Variants in LOC400499 observed in about 807,000 individuals in gnomAD.
At chr16:11,385,312 G>T in the LOC400499 span, 1 of 1,232,286 alleles carries the variant, frequency 8.1e-7, no homozygotes, top group East Asian at 3.2e-5. Flanking sequence ...AATGTGTTGT[G>T]AGCAAAGTCC....
At chr16:11,496,790 CTGTG>C in the LOC400499 span, among the ~76,000 whole-genome samples, 2 of 152,084 alleles carry the variant, frequency 1.3e-5, no homozygotes, top group African/African-American at 2.4e-5. Context: ...GAGTGTCCTA[CTGTG>C]TGTATGTGCA....
At chr16:11,523,347 C>T in the LOC400499 span, 121 of 398,580 alleles carry the variant, frequency 3.0e-4, no homozygotes, top group African/African-American at 2.1e-3. Flanking sequence ...GCTTCACTCC[C>T]ATTGGGCCCT....
the LOC400499 span, chr16:11,450,737 C>T: frequency 1.3e-6 from 2 of 1,536,164 alleles, no homozygotes; most frequent in Admixed American, 3.9e-5. Context: ...AGCTCCAGGA[C>T]AGCCTGGAAC....
chr16:11,416,997 A>G, the LOC400499 span, among the ~76,000 whole-genome samples: 1 of 152,162 alleles, frequency 6.6e-6, no homozygotes, highest in South Asian at 2.1e-4. Context: ...GTGTGCACAC[A>G]GCTTGCCTGG....
the LOC400499 span, among the ~76,000 whole-genome samples, chr16:11,466,586 G>C: frequency 6.6e-6 from 1 of 151,860 alleles, no homozygotes; most frequent in African/African-American, 2.4e-5. Context: ...ACGGGGTTTT[G>C]CCATGTTGTT....
At chr16:11,474,575 TA>T in the LOC400499 span, among the ~76,000 whole-genome samples, 1 of 151,810 alleles carries the variant, frequency 6.6e-6, no homozygotes, top group East Asian at 1.9e-4. Context: ...TAAAGGAAAA[TA>T]AAGCCGGGTG....
At chr16:11,459,169 GA>G in the LOC400499 span, among the ~76,000 whole-genome samples, 1 of 148,776 alleles carries the variant, frequency 6.7e-6, no homozygotes, top group African/African-American at 2.5e-5. Flanking sequence ...TGTGAAAAGG[GA>G]AAAAATATCC....
chr16:11,513,533 C>T, the LOC400499 span, among the ~76,000 whole-genome samples: 4 of 151,972 alleles, frequency 2.6e-5, no homozygotes, highest in East Asian at 1.9e-4. Flanking sequence ...CGGGTTCAAA[C>T]GATTCTCCGG....
At chr16:11,409,612 G>A in the LOC400499 span, among the ~76,000 whole-genome samples, 4 of 152,104 alleles carry the variant, frequency 2.6e-5, no homozygotes, top group Non-Finnish European at 4.4e-5. Context: ...CCTGCATCCC[G>A]GATTTAAAAC....
At chr16:11,455,251 G>C in the LOC400499 span, among the ~76,000 whole-genome samples, 1 of 152,120 alleles carries the variant, frequency 6.6e-6, no homozygotes, top group Non-Finnish European at 1.5e-5. Flanking sequence ...GAAAATGGAA[G>C]AGAATATGTA....
the LOC400499 span, among the ~76,000 whole-genome samples, chr16:11,469,997 G>C: frequency 6.6e-6 from 1 of 152,150 alleles, no homozygotes; most frequent in African/African-American, 2.4e-5. Context: ...CTGCCTCCCA[G>C]GTTCAAGTGA....
chr16:11,484,362 C>T, the LOC400499 span, among the ~76,000 whole-genome samples: 1 of 152,134 alleles, frequency 6.6e-6, no homozygotes, highest in African/African-American at 2.4e-5. Flanking sequence ...TGGGTATGTT[C>T]ATAAGCTTTA....
the LOC400499 span, among the ~76,000 whole-genome samples, chr16:11,433,432 A>G: frequency 6.6e-6 from 1 of 152,220 alleles, no homozygotes; most frequent in African/African-American, 2.4e-5. Flanking sequence ...TGGAGACCCA[A>G]TTTGTACCAG....
At chr16:11,494,603 G>C in the LOC400499 span, 1 of 399,224 alleles carries the variant, frequency 2.5e-6, no homozygotes, top group African/African-American at 2.1e-5. Context: ...CTCCTGGATG[G>C]TACAGTTCTC....
the LOC400499 span, among the ~76,000 whole-genome samples, chr16:11,399,019 G>A: frequency 2.6e-5 from 4 of 152,166 alleles, no homozygotes; most frequent in African/African-American, 7.2e-5. Flanking sequence ...GAGGTCCAGA[G>A]GAGGAAGGGG....
the LOC400499 span, among the ~76,000 whole-genome samples, chr16:11,426,479 T>C: frequency 6.6e-6 from 1 of 151,968 alleles, no homozygotes; most frequent in Non-Finnish European, 1.5e-5. Context: ...GCAAAACCAA[T>C]AGCAAACATT....
chr16:11,445,834 C>CTTTT, the LOC400499 span, among the ~76,000 whole-genome samples: 1 of 143,984 alleles, frequency 6.9e-6, no homozygotes, highest in Non-Finnish European at 1.5e-5. Flanking sequence ...TCAGGAGAAC[C>CTTTT]TTTTTTTTTT....
chr16:11,387,228 C>G, the LOC400499 span: 2 of 1,232,358 alleles, frequency 1.6e-6, no homozygotes, highest in East Asian at 6.3e-5. Context: ...TAGCTGGTCA[C>G]CCGGGCCACG....
At chr16:11,453,242 T>C in the LOC400499 span, among the ~76,000 whole-genome samples, 1 of 152,192 alleles carries the variant, frequency 6.6e-6, no homozygotes, top group African/African-American at 2.4e-5. Flanking sequence ...CTCCAGAATA[T>C]CAGATCCCTA....
Sources: gnomAD v4.1 joint callset for allele counts (sites outside exome capture counted in the v4.1 genomes callset) on GRCh38, gnomAD v4.1.1 for gene constraint, MANE v1.5 for transcripts.